GLDN: variants seen among roughly 807,000 people sequenced by gnomAD.
GLDN encodes collomin.
GLDN carries 47 observed loss-of-function variants against 56.5 expected under a neutral mutation model. The observed-to-expected ratio is 0.83, with a 90% CI of 0.66 to 1.06. GLDN has a LOEUF of 1.06. Among genes scored for constraint, GLDN ranks in the 50% least tolerant of loss-of-function variants. The probability of loss-of-function intolerance (pLI) is 0.00; values close to 1 mark genes in which losing one functional copy is unlikely to be tolerated. For synonymous variants in GLDN, 332 were observed against 278.8 expected, an observed-to-expected ratio of 1.19 and a Z score of -1.90; for missense variants, 782 against 714.3, an observed-to-expected ratio of 1.09 and a Z score of -1.08.
At chr15:51,343,259 A>C (rs1442449249) in intron 1 of GLDN, among the ~76,000 whole-genome samples, 1 of 152,234 alleles carries the variant, frequency 6.6e-6, no homozygotes, top group East Asian at 1.9e-4. Context: ...AGAGAGATCA[A>C]GTTTTCCATT....
At chr15:51,392,368 G>A (rs903467786) in intron 4 of GLDN, among the ~76,000 whole-genome samples, 2 of 152,152 alleles carry the variant, frequency 1.3e-5, no homozygotes, top group African/African-American at 4.8e-5. Context: ...GATTCTCATA[G>A]GAGTGCAAAG....
At chr15:51,345,572 A>G (rs940119459) in intron 1 of GLDN, among the ~76,000 whole-genome samples, 4 of 152,250 alleles carry the variant, frequency 2.6e-5, no homozygotes, top group Non-Finnish European at 5.9e-5. Context: ...AAAACATGCA[A>G]TAAAATGGGA....
At chr15:51,355,680 C>T (rs1424644491) in intron 1 of GLDN, among the ~76,000 whole-genome samples, 21 of 151,152 alleles carry the variant, frequency 1.4e-4, no homozygotes, top group African/African-American at 4.6e-4. Flanking sequence ...CGCACCAACA[C>T]ACCCGGCTAA....
chr15:51,344,718 T>A (rs2036947213), intron 1 of GLDN, among the ~76,000 whole-genome samples: 1 of 152,190 alleles, frequency 6.6e-6, no homozygotes, highest in Non-Finnish European at 1.5e-5. Context: ...AATGTCAACA[T>A]TTCAAAAAGC....
chr15:51,403,630 T>A (rs2038304720), intron 9 of GLDN, among the ~76,000 whole-genome samples: 1 of 152,174 alleles, frequency 6.6e-6, no homozygotes, highest in Non-Finnish European at 1.5e-5. Context: ...GTTTAATGTA[T>A]CCAGCCACTT....
At chr15:51,377,297 G>T in intron 1 of GLDN, 152 bp from the exon 2 acceptor site, 1 of 608,874 alleles carries the variant, frequency 1.6e-6, no homozygotes. Flanking sequence ...AGCATCACTA[G>T]GTGGGACATC....
At chr15:51,361,973 G>A (rs74694586) in intron 1 of GLDN, among the ~76,000 whole-genome samples, 2,052 of 152,190 alleles carry the variant, frequency 0.013, 44 homozygotes, top group African/African-American at 0.047. Context: ...GATTAGGGAG[G>A]GGTAATAGGA....
chr15:51,358,670 G>A (rs1304262519), intron 1 of GLDN, among the ~76,000 whole-genome samples: 2 of 152,212 alleles, frequency 1.3e-5, no homozygotes, highest in Non-Finnish European at 2.9e-5. Flanking sequence ...GACTAGGGGT[G>A]TGGGCACTTC....
chr15:51,342,188 T>C, intron 1 of GLDN, 141 bp downstream of exon 1: 4 of 1,097,658 alleles, frequency 3.6e-6, no homozygotes, highest in Non-Finnish European at 5.2e-6. Flanking sequence ...TAGCTGGGGA[T>C]GTCACCTTGG....
Position 51,400,479 on chromosome 15 carries a change from G to T in GLDN, c.1008G>T (p.Trp336Cys). ...ESANKSDDRIWVTEHFSGIMV... is the reference protein window; with the variant it reads ...ESANKSDDRICVTEHFSGIMV... ...CTAACAAGAGTGATGACCGGATTTG[G>T]GTGACAGAGCATTTTTCAGGTACTT... The change falls in exon 8 of 10, where the codon TGG (tryptophan) becomes TGT (cysteine). Residue 336 changes from tryptophan to cysteine, a missense_variant. Coordinates refer to ENST00000335449, the MANE Select transcript of GLDN (RefSeq NM_181789.4). The T allele has an allele frequency of 6.2e-7, 1 of 1,614,104 alleles. No homozygotes were observed. Among genetic ancestry groups the T allele is most frequent in the Non-Finnish European group, 8.5e-7 (1 of 1,180,000 alleles).
At chr15:51,380,456 T>C (rs1237558742) in intron 2 of GLDN, among the ~76,000 whole-genome samples, 2 of 152,214 alleles carry the variant, frequency 1.3e-5, no homozygotes, top group Admixed American at 6.5e-5. Flanking sequence ...TTGGCACACA[T>C]CATGGCATTT....
intron 3 of GLDN, 82 bp downstream of exon 3, chr15:51,383,535 G>A: frequency 6.6e-7 from 1 of 1,524,118 alleles, no homozygotes; most frequent in Non-Finnish European, 9.1e-7. Flanking sequence ...ACAGATGCGG[G>A]GAGGGCAAGA....
chr15:51,396,148 G>A (rs1047142243), intron 5 of GLDN, among the ~76,000 whole-genome samples: 40 of 152,066 alleles, frequency 2.6e-4, no homozygotes, highest in African/African-American at 4.3e-4. Context: ...CCTCCACCTG[G>A]CAACCTTAAC....
rs759025224 is a variant in GLDN at position 51,401,751 on chromosome 15, G to C, written c.1178+8G>C. The C allele has an allele frequency of 1.2e-6, 2 of 1,610,466 alleles. No homozygotes were observed. Among genetic ancestry groups the C allele is most frequent in the Admixed American group, 3.3e-5 (2 of 59,788 alleles). ...TTCTAATACCCTAGTGAGGTAAGTCGCACCACAGCACCTTCTCACGCCTCT... is the reference window on the plus strand; with the variant it reads ...TTCTAATACCCTAGTGAGGTAAGTCCCACCACAGCACCTTCTCACGCCTCT... On this transcript the variant is annotated splice_region_variant and intron_variant, in intron 9 of 9. Coordinates refer to ENST00000335449, the MANE Select transcript of GLDN (RefSeq NM_181789.4).
chr15:51,342,069 C>T (rs191828003), intron 1 of GLDN, 22 bp downstream of exon 1: 37 of 1,589,098 alleles, frequency 2.3e-5, no homozygotes, highest in Non-Finnish European at 2.9e-5. Context: ...CTCTGTTCCC[C>T]GTGGCGCCCC....
At chr15:51,342,215 C>A in intron 1 of GLDN, 168 bp downstream of exon 1, 1 of 778,240 alleles carries the variant, frequency 1.3e-6, no homozygotes, top group East Asian at 2.8e-5. Flanking sequence ...CCTCAACCCA[C>A]TGGAGTCTGT....
intron 1 of GLDN, among the ~76,000 whole-genome samples, chr15:51,350,751 T>C (rs1347391757): frequency 6.6e-6 from 1 of 152,174 alleles, no homozygotes; most frequent in African/African-American, 2.4e-5. Flanking sequence ...AAAGCATTCC[T>C]TGTAAGAAAT....
chr15:51,372,822 C>T (rs1334949588), intron 1 of GLDN, among the ~76,000 whole-genome samples: 1 of 152,064 alleles, frequency 6.6e-6, no homozygotes, highest in Non-Finnish European at 1.5e-5. Flanking sequence ...TAATGGAAAA[C>T]CACAGATAGG....
At chr15:51,345,038 G>A (rs1326721165) in intron 1 of GLDN, among the ~76,000 whole-genome samples, 1 of 152,170 alleles carries the variant, frequency 6.6e-6, no homozygotes, top group Non-Finnish European at 1.5e-5. Context: ...ATAAGGAAAT[G>A]GGGATCTGGT....
Sources: gnomAD v4.1 joint callset for allele counts (sites outside exome capture counted in the v4.1 genomes callset) on GRCh38, gnomAD v4.1.1 for gene constraint, MANE v1.5 for transcripts, NCBI Gene and HGNC (gene_info 2026-07-23, HGNC 2026-07-21) for gene names.